The following CBARP variants were observed in gnomAD, a reference collection of about 807,000 sequenced individuals.
The protein encoded by CBARP is CACN subunit beta associated regulatory protein, also known as voltage-dependent calcium channel beta subunit-associated regulatory protein.
CBARP carries 24 observed loss-of-function variants against 36.3 expected under a neutral mutation model. The ratio of observed to expected loss-of-function variants is 0.66; its 90% CI spans 0.48 to 0.93. The LOEUF (loss-of-function observed/expected upper bound fraction) is 0.93. CBARP is among the 40% of genes least tolerant of loss of function. The pLI is 0.00. For missense variants in CBARP, 1,146 were observed against 980.4 expected (o/e 1.17, Z -2.26); for synonymous variants, 586 against 453.2 (o/e 1.29, Z -3.72).
intron 9 of CBARP, chr19:1,230,522 G>T: frequency 9.7e-7 from 1 of 1,031,870 alleles, no homozygotes; most frequent in Middle Eastern, 4.5e-4. Flanking sequence ...CCTGCTCCAG[G>T]CTAGGGCTCT....
In CBARP at chr19:1,230,067, A is replaced by G; in HGVS notation, c.1230T>C (p.Pro410=). 8.4e-7 allele frequency: 1 copy of G among 1,193,348 alleles called. No individual in the cohort carries two copies. The highest frequency in any genetic ancestry group is 1.7e-5 in the African/African-American group (1 of 59,554). The allele number at this position is 1,193,348 out of a possible 1,614,324, so 73.9% of individuals were successfully genotyped here. A position where few individuals can be genotyped will look rare whatever the true frequency, so the allele number is the denominator to read the frequency against. ...PPERGAGSAG[P]EQQQPPLEPD... ...GCTCCAGTGGCGGCTGCTGCTGCTC[A>G]GGCCCCGCGCTGCCCGCGCCGCGCT... The change falls in exon 10 of 10, where the codon CCT becomes CCC. Residue 410 remains proline, a synonymous_variant. Transcript: ENST00000650044.
intron 8 of CBARP, among the ~76,000 whole-genome samples, chr19:1,232,765 C>A (rs1291892916): frequency 6.6e-6 from 1 of 152,270 alleles, no homozygotes; most frequent in African/African-American, 2.4e-5. Flanking sequence ...CACGTGCATT[C>A]GTCATGCAGC....
chr19:1,235,849 T>C lies in CBARP; in HGVS notation c.175A>G (p.Thr59Ala), dbSNP rs776689972. The C allele has an allele frequency of 6.2e-7, 1 of 1,611,838 alleles. No homozygotes were observed. Among genetic ancestry groups the C allele is most frequent in the Non-Finnish European group, 8.5e-7 (1 of 1,179,922 alleles). The change falls in exon 3 of 10, where the codon ACG becomes GCG. Residue 59 changes from threonine to alanine, a missense_variant. Coordinates refer to ENST00000650044, the MANE Select transcript of CBARP (RefSeq NM_001393918.1). ...AGGACGCCAGACAACACCACCAGCGTGCCCCCCACGAACAGCGACATCACC... is the reference window on the plus strand; with the variant it reads ...AGGACGCCAGACAACACCACCAGCGCGCCCCCCACGAACAGCGACATCACC... ...VVVMSLFVGG[T>A]LVVLSGVLLL...
rs765297005 is a variant in CBARP at position 1,229,290 on chromosome 19, C to T, written c.2007G>A (p.Leu669=). The T allele has an allele frequency of 3.8e-4, 484 of 1,259,586 alleles. No individual in the cohort carries two copies. The highest frequency in any genetic ancestry group is 4.8e-4 in the Non-Finnish European group (470 of 978,390). 78.0% of individuals were successfully genotyped at this position (1,259,586 alleles called of 1,614,324 possible). A position where few individuals can be genotyped will look rare whatever the true frequency, so the allele number is the denominator to read the frequency against. ...VLPSGSVLDK[L]AAGLDERLFP... ...AGAGTCTCTCGTCGAGGCCAGCCGC[C>T]AGCTTGTCCAGCACCGACCCGGATG... Residue 669 remains leucine (L), a synonymous_variant, in exon 10 of 10, where the codon CTG becomes CTA. Coordinates refer to ENST00000650044, the MANE Select transcript of CBARP (RefSeq NM_001393918.1). The surrounding 1 kb of genome is among the most constrained non-coding windows in gnomAD (Gnocchi z 5.1).
rs1220777409 is a variant in CBARP, at chr19:1,233,481, C to T, written c.924G>A (p.Lys308=). 3 of 1,605,274 alleles carry T rather than the reference C, an allele frequency of 1.9e-6. No homozygotes were observed. In the South Asian group the frequency reaches 3.3e-5, roughly 18 times the overall value. The change falls in exon 8 of 10, where the codon AAG becomes AAA. Residue 308 remains lysine (K), a synonymous_variant. Transcript: ENST00000650044. ...TGGGCTCCAGCTTCCACTTCTTGACCTTGAAATAGGGGCTGGCCCCATCCA... is the reference window on the plus strand; with the variant it reads ...TGGGCTCCAGCTTCCACTTCTTGACTTTGAAATAGGGGCTGGCCCCATCCA... ...ASLDGASPYF[K]VKKWKLEPSQ... is the part of the protein sequence containing the mutation.
Position 1,229,485 on chromosome 19 carries a change from C to G in CBARP, c.1812G>C (p.Pro604=). The change falls in exon 10 of 10, where the codon CCG becomes CCC. Residue 604 remains proline (P), a synonymous_variant. Coordinates refer to ENST00000650044, the MANE Select transcript of CBARP (RefSeq NM_001393918.1). The surrounding 1 kb of genome is among the most constrained non-coding windows in gnomAD (Gnocchi z 5.1). Reference sequence around the variant, plus strand: ...GCGCGGGTCGGGCCGCGCCGGCAGGCGGTGCCGGGGTTCCGGCCAGGGCCG... The same window carrying G: ...GCGCGGGTCGGGCCGCGCCGGCAGGGGGTGCCGGGGTTCCGGCCAGGGCCG... The part of the protein sequence containing the change: ...AAPALAGTPA[P]PAGAARPARA... 1 of 978,980 alleles carries G rather than the reference C, an allele frequency of 1.0e-6. No individual in the cohort carries two copies. Among genetic ancestry groups the G allele is most frequent in the Non-Finnish European group, 1.2e-6 (1 of 827,644 alleles). 60.6% of individuals were successfully genotyped at this position (978,980 alleles called of 1,614,324 possible).
rs1006602243 is a variant in CBARP, at chr19:1,233,409, C to A, written c.979+17G>T. ...CAGCCCACAGGGGCCCACTCTCCAC[C>A]AGGTGCTACAGCTCACCTCTCGTGT... On this transcript the variant is annotated intron_variant, in intron 8 of 9. Transcript: ENST00000650044. The A allele has an allele frequency of 4.5e-6, 7 of 1,565,722 alleles. No individual in the cohort carries two copies. The highest frequency in any genetic ancestry group is 6.1e-6 in the Non-Finnish European group (7 of 1,154,246).
chr19:1,235,478 A>C (rs768427766), intron 4 of CBARP, 23 bp downstream of exon 4: 1 of 1,565,942 alleles, frequency 6.4e-7, no homozygotes, highest in African/African-American at 1.4e-5. Flanking sequence ...GCGAGCGCAC[A>C]GCCAGGCTGG....
chr19:1,230,440 C>G (rs1030332642), intron 9 of CBARP: 2 of 991,666 alleles, frequency 2.0e-6, no homozygotes, highest in South Asian at 4.7e-5. Flanking sequence ...CCGGGAGTCA[C>G]GTTTTCCCAG....
At position 1,234,676 on chromosome 19, in the gene CBARP, C is replaced by T. The variant is rs150129488; in HGVS notation, c.522G>A (p.Pro174=). The part of the protein sequence containing the change: ...KNARLTHLHL[P]PLKIVTIHEC... ...CGTGGATGGTGACAATCTTGAGGGG[C>T]GGCAGGTGCAGGTGCGTGAGCCGGG... Residue 174 remains proline, a synonymous_variant, in exon 6 of 10, where the codon CCG becomes CCA. Transcript: ENST00000650044. 1.2e-4 allele frequency: 186 copies of T among 1,612,638 alleles called. 1 individual carries two copies. The highest frequency in any genetic ancestry group is 6.3e-4 in the South Asian group (57 of 90,770).
At chr19:1,234,020 G>C (rs975253065) in intron 7 of CBARP, among the ~76,000 whole-genome samples, 171 bp downstream of exon 7, 1 of 152,232 alleles carries the variant, frequency 6.6e-6, no homozygotes, top group Non-Finnish European at 1.5e-5. Flanking sequence ...ACACGCCTGT[G>C]TCCGGTGTGC....
Position 1,230,097 on chromosome 19 carries a change from G to T in CBARP, c.1200C>A (p.Pro400=). ...EAAGGASPDS[P]PERGAGSAGP... is the part of the protein sequence containing the mutation. ...CCGCGCTGCCCGCGCCGCGCTCCGG[G>T]GGGGAATCGGGGCTCGCTCCTCCCG... The change falls in exon 10 of 10, where the codon CCC becomes CCA. Residue 400 remains proline (P), a synonymous_variant. Transcript: ENST00000650044. 2.8e-6 allele frequency: 3 copies of T among 1,080,486 alleles called. No homozygotes were observed. The highest frequency in any genetic ancestry group is 2.1e-5 in the South Asian group (1 of 46,844). 66.9% of individuals were successfully genotyped at this position (1,080,486 alleles called of 1,614,324 possible).
At chr19:1,230,189 C>T (rs543288102) in intron 9 of CBARP, 47 bp from the exon 10 acceptor site, 26,371 of 995,766 alleles carry the variant, frequency 0.026, 410 homozygotes, top group South Asian at 0.04. Context: ...CCCCGCGCCC[C>T]CTACCCGGCC....
Position 1,229,262 on chromosome 19 carries a change from G to T in CBARP, c.2035C>A (p.Pro679Thr), listed in dbSNP as rs976380526. 29 of 1,249,946 alleles carry T rather than the reference G, an allele frequency of 2.3e-5. No homozygotes were observed. Among genetic ancestry groups the T allele is most frequent in the East Asian group, 7.9e-5 (1 of 12,708 alleles). The allele number at this position is 1,249,946 out of a possible 1,614,324, so 77.4% of individuals were successfully genotyped here. ...ACGACGGGCTCGGCGAGGCGCGGCGGAAAGAGTCTCTCGTCGAGGCCAGCC... is the reference window on the plus strand; with the variant it reads ...ACGACGGGCTCGGCGAGGCGCGGCGTAAAGAGTCTCTCGTCGAGGCCAGCC... ...LAAGLDERLFPPRLAEPVVAT... is the reference protein window; with the variant it reads ...LAAGLDERLFTPRLAEPVVAT... The change falls in exon 10 of 10, where the codon CCG (proline) becomes ACG (threonine). Residue 679 changes from proline (P) to threonine (T), a missense_variant. Coordinates refer to ENST00000650044, the MANE Select transcript of CBARP (RefSeq NM_001393918.1). The surrounding 1 kb of genome is among the most constrained non-coding windows in gnomAD (Gnocchi z 5.1).
rs751260153 is a variant in CBARP at position 1,236,033 on chromosome 19, A to G, written c.68T>C (p.Leu23Pro). 2.6e-6 allele frequency: 4 copies of G among 1,538,332 alleles called. No individual in the cohort carries two copies. The African/African-American group carries it at 5.5e-5, about 21-fold the overall frequency. Reference sequence around the variant, plus strand: ...AGTGGCATTGTCCCACGACGTCGTCAGGGCTACTGTGGCAGTGGTGGTGGT... The same window carrying G: ...AGTGGCATTGTCCCACGACGTCGTCGGGGCTACTGTGGCAGTGGTGGTGGT... ...TTTTTTATVA[L>P]TTSWDNATGR... The change falls in exon 2 of 10, where the codon CTG becomes CCG. Residue 23 changes from leucine to proline, a missense_variant. Coordinates refer to ENST00000650044, the MANE Select transcript of CBARP (RefSeq NM_001393918.1).
At chr19:1,233,053 A>C (rs36001015) in intron 8 of CBARP, among the ~76,000 whole-genome samples, 25,461 of 152,228 alleles carry the variant, frequency 0.17, 2,648 homozygotes, top group East Asian at 0.32. Context: ...AGAGCCGAGC[A>C]TGGCTGGGAG....
intron 8 of CBARP, among the ~76,000 whole-genome samples, chr19:1,232,678 G>A (rs928328502): frequency 2.0e-5 from 3 of 152,374 alleles, no homozygotes; most frequent in Admixed American, 6.5e-5. Context: ...AAACAGTCCA[G>A]GGATCTATGT....
chr19:1,234,702 C>T lies in CBARP; in HGVS notation c.496G>A (p.Ala166Thr), dbSNP rs2080940371. ...TEGDFHHLKN[A>T]RLTHLHLPPL... ...GGCAGGTGCAGGTGCGTGAGCCGGG[C>T]ATTCTTCAGGTGGTGGAAGTCCCCC... The change falls in exon 6 of 10, where the codon GCC (alanine) becomes ACC (threonine). Residue 166 changes from alanine (A) to threonine (T), a missense_variant. Ala to Thr is a moderately conservative substitution (Grantham distance 58, BLOSUM62 0). Coordinates refer to ENST00000650044, the MANE Select transcript of CBARP (RefSeq NM_001393918.1). 6.2e-7 allele frequency: 1 copy of T among 1,613,184 alleles called. No homozygotes were observed. The highest frequency in any genetic ancestry group is 8.5e-7 in the Non-Finnish European group (1 of 1,179,772).
intron 8 of CBARP, among the ~76,000 whole-genome samples, chr19:1,233,000 G>A (rs1306388144): frequency 6.6e-6 from 1 of 152,238 alleles, no homozygotes; most frequent in Non-Finnish European, 1.5e-5. Flanking sequence ...GGCGAGGGAG[G>A]GGCCCCGGGG....
Sources: gnomAD v4.1 joint callset for allele counts (sites outside exome capture counted in the v4.1 genomes callset) on GRCh38, gnomAD v4.1.1 for gene constraint, Gnocchi (gnomAD v3.1) non-coding constraint, MANE v1.5 for transcripts, NCBI Gene and HGNC (gene_info 2026-07-23, HGNC 2026-07-21) for gene names.